The following SMYD3 variants were observed in gnomAD, a reference collection of about 807,000 sequenced individuals.
SMYD3 encodes SET and MYND domain containing 3, also known as histone-lysine N-methyltransferase SMYD3.
In SMYD3, 36 loss-of-function variants were observed where a neutral mutation model predicts 57.7. The ratio of observed to expected loss-of-function variants is 0.62; its 90% CI spans 0.48 to 0.82. The LOEUF is 0.82. Ranked by LOEUF, SMYD3 falls within the 40% of genes least tolerant of loss-of-function variation. SMYD3 has a pLI of 0.00. For missense variants in SMYD3, 515 were observed against 538.8 expected (o/e 0.96, Z 0.44); for synonymous variants, 211 against 195.0 (o/e 1.08, Z -0.68).
At chr1:246,259,411 G>T (rs1302086856) in intron 5 of SMYD3, among the ~76,000 whole-genome samples, 1 of 151,776 alleles carries the variant, frequency 6.6e-6, no homozygotes, top group Non-Finnish European at 1.5e-5. Flanking sequence ...ATGTTACTGG[G>T]TTTTTTTTCC....
chr1:246,455,030 G>C (rs1340368339), intron 1 of SMYD3, among the ~76,000 whole-genome samples: 1 of 152,076 alleles, frequency 6.6e-6, no homozygotes, highest in South Asian at 2.1e-4. Flanking sequence ...CATTAATTCA[G>C]CAAATATTTA....
intron 5 of SMYD3, among the ~76,000 whole-genome samples, chr1:246,147,536 A>G (rs1224727916): frequency 6.6e-6 from 1 of 152,090 alleles, no homozygotes; most frequent in East Asian, 1.9e-4. Flanking sequence ...AGCCTCACCC[A>G]TTCTGGGTTG....
At chr1:246,036,379 C>T (rs1011562975) in intron 5 of SMYD3, among the ~76,000 whole-genome samples, 3 of 152,138 alleles carry the variant, frequency 2.0e-5, no homozygotes, top group African/African-American at 4.8e-5. Context: ...CATCCACCCC[C>T]GCAGTCTCCT....
intron 7 of SMYD3, among the ~76,000 whole-genome samples, chr1:245,920,095 C>T (rs373951698): frequency 0.019 from 2,821 of 152,058 alleles, 88 homozygotes; most frequent in African/African-American, 0.062. Flanking sequence ...GGTAGGATCA[C>T]GAGGTCAGGA....
chr1:246,033,740 T>C (rs959334976), intron 5 of SMYD3, among the ~76,000 whole-genome samples: 1 of 152,108 alleles, frequency 6.6e-6, no homozygotes, highest in African/African-American at 2.4e-5. Flanking sequence ...TGAGCCAAGA[T>C]CACGCTACCG....
chr1:246,334,113 A>G (rs576905267), intron 3 of SMYD3, among the ~76,000 whole-genome samples: 11 of 152,154 alleles, frequency 7.2e-5, no homozygotes, highest in Non-Finnish European at 1.6e-4. Flanking sequence ...ACACTTATCT[A>G]CTGTTAGTGG....
intron 1 of SMYD3, among the ~76,000 whole-genome samples, chr1:246,432,825 T>C (rs1324979072): frequency 6.6e-6 from 1 of 152,338 alleles, no homozygotes; most frequent in Non-Finnish European, 1.5e-5. Context: ...GTTTGAATTA[T>C]CATGATCACT....
rs142974120 is a variant in SMYD3, at chr1:245,752,210, G to C, written c.1186-2546C>G. On this transcript the variant is annotated intron_variant, in intron 11 of 11. Coordinates refer to ENST00000490107, the MANE Select transcript of SMYD3 (RefSeq NM_001167740.2). ...CCAGAGTGCTTGTGATCTGGCAAAG[G>C]AAGATGAATGGGGCAGAATCACTGC... Among the ~76,000 whole-genome samples the C allele has an allele frequency of 1.0e-3, 157 of 152,328 alleles. 2 individuals carry two copies. Among genetic ancestry groups the C allele is most frequent in the African/African-American group, 3.7e-3 (152 of 41,580 alleles).
At chr1:246,377,258 T>C (rs980211009) in intron 1 of SMYD3, among the ~76,000 whole-genome samples, 1 of 149,330 alleles carries the variant, frequency 6.7e-6, no homozygotes, top group Non-Finnish European at 1.5e-5. Flanking sequence ...TCTGGCTTAA[T>C]AGAAAGCAGC....
chr1:245,861,771 T>C (rs969788413), intron 9 of SMYD3, among the ~76,000 whole-genome samples: 1 of 152,220 alleles, frequency 6.6e-6, no homozygotes, highest in African/African-American at 2.4e-5. Context: ...TTGACTATTG[T>C]GTCTTTGATG....
rs532269715 is a variant in SMYD3 at position 245,852,509 on chromosome 1, C to T, written c.1076+5987G>A. ...CCAAGAAAAGAAGAGCCAGAGAAAT[C>T]GGTCATAATGTTCTCCATTACCTCC... On this transcript the variant is annotated intron_variant, in intron 10 of 11. Transcript: ENST00000490107. Among the ~76,000 whole-genome samples the T allele has an allele frequency of 4.6e-4, 70 of 152,300 alleles. 1 individual carries two copies. In the South Asian group the frequency reaches 6.8e-3, roughly 15 times the overall value.
chr1:245,760,893 G>C (rs747473161), intron 11 of SMYD3, among the ~76,000 whole-genome samples: 3 of 152,224 alleles, frequency 2.0e-5, no homozygotes, highest in African/African-American at 4.8e-5. Flanking sequence ...CAGAATGCTT[G>C]AGATTGGCAA....
At chr1:245,785,504 T>C (rs1344759943) in intron 10 of SMYD3, among the ~76,000 whole-genome samples, 1 of 152,088 alleles carries the variant, frequency 6.6e-6, no homozygotes, top group African/African-American at 2.4e-5. Context: ...CAAAGAAGCA[T>C]TAATTTACAC....
At chr1:245,917,189 A>C (rs529350704) in intron 7 of SMYD3, among the ~76,000 whole-genome samples, 2 of 152,144 alleles carry the variant, frequency 1.3e-5, no homozygotes, top group African/African-American at 2.4e-5. Flanking sequence ...GTACCACCAC[A>C]CTGGCTAATT....
chr1:246,381,716 G>T (rs931757845), intron 1 of SMYD3, among the ~76,000 whole-genome samples: 2 of 152,202 alleles, frequency 1.3e-5, no homozygotes, highest in African/African-American at 4.8e-5. Flanking sequence ...TTTACATATG[G>T]AAGTATTTTC....
intron 5 of SMYD3, among the ~76,000 whole-genome samples, chr1:246,166,078 G>T (rs554242774): frequency 2.3e-4 from 35 of 151,940 alleles, no homozygotes; most frequent in African/African-American, 7.7e-4. Flanking sequence ...CTGCACTGTG[G>T]ACTAGGTTCC....
intron 10 of SMYD3, among the ~76,000 whole-genome samples, chr1:245,775,258 G>A (rs1015085596): frequency 4.6e-5 from 7 of 152,072 alleles, no homozygotes; most frequent in African/African-American, 1.2e-4. Context: ...TGACGATGGC[G>A]GTTTTGTCGA....
chr1:245,831,421 G>C (rs1296138281), intron 10 of SMYD3, among the ~76,000 whole-genome samples: 3 of 152,132 alleles, frequency 2.0e-5, no homozygotes, highest in Non-Finnish European at 4.4e-5. Flanking sequence ...AATATTTCGG[G>C]GTAAACCAGG....
At chr1:245,793,425 G>A (rs906956416) in intron 10 of SMYD3, among the ~76,000 whole-genome samples, 4 of 152,162 alleles carry the variant, frequency 2.6e-5, no homozygotes, top group Admixed American at 6.5e-5. Context: ...AGAGCATGGC[G>A]GGGCAGGAAT....
Sources: allele counts gnomAD v4.1 joint callset (sites outside exome capture counted in the v4.1 genomes callset), GRCh38; gene constraint gnomAD v4.1.1; transcripts MANE v1.5; gene names NCBI Gene and HGNC (gene_info 2026-07-23, HGNC 2026-07-21).